Variants in PDZD2 observed in about 807,000 individuals in gnomAD.
The protein encoded by PDZD2 is PDZ domain-containing protein 2.
PDZD2 carries 90 observed loss-of-function variants against 220.7 expected under a neutral mutation model. The ratio of observed to expected loss-of-function variants is 0.41; its 90% CI spans 0.34 to 0.49. The LOEUF (loss-of-function observed/expected upper bound fraction) is 0.49. Ranked by LOEUF, PDZD2 falls within the 20% of genes least tolerant of loss-of-function variation. PDZD2 has a pLI of 0.28. For missense variants in PDZD2, 3,174 were observed against 3,608.5 expected, an observed-to-expected ratio of 0.88 and a Z score of 3.08; for synonymous variants, 1,375 against 1,450.5, an observed-to-expected ratio of 0.95 and a Z score of 1.18.
intron 2 of PDZD2, among the ~76,000 whole-genome samples, chr5:31,876,062 A>G (rs1047184658): frequency 1.2e-4 from 18 of 152,286 alleles, no homozygotes; most frequent in Admixed American, 5.9e-4. Flanking sequence ...CATCTTTAAA[A>G]TGTTGTCTTC....
chr5:31,998,509 T>G (rs1751825286), intron 4 of PDZD2, among the ~76,000 whole-genome samples: 1 of 152,102 alleles, frequency 6.6e-6, no homozygotes. Flanking sequence ...AGAAGTCAGT[T>G]GATTCATTGA....
At chr5:32,041,692 A>G (rs962816742) in intron 7 of PDZD2, among the ~76,000 whole-genome samples, 1 of 152,016 alleles carries the variant, frequency 6.6e-6, no homozygotes, top group African/African-American at 2.4e-5. Context: ...GTACCCAGGG[A>G]CACAAACACT....
At chr5:32,059,579 T>C (rs1459245310) in intron 13 of PDZD2, among the ~76,000 whole-genome samples, 1 of 152,248 alleles carries the variant, frequency 6.6e-6, no homozygotes, top group Non-Finnish European at 1.5e-5. Context: ...CTTCCCTGCT[T>C]ATTTTGTTCT....
intron 1 of PDZD2, among the ~76,000 whole-genome samples, chr5:31,689,353 A>ATATTTTTTTTT: frequency 0.031 from 1,092 of 35,106 alleles, 75 homozygotes; most frequent in Middle Eastern, 0.079. Context: ...ATATATATAT[A>ATATTTTTTTTT]TTTTTTTTTT....
intron 1 of PDZD2, among the ~76,000 whole-genome samples, chr5:31,659,047 C>T (rs1409900069): frequency 6.6e-6 from 1 of 152,174 alleles, no homozygotes; most frequent in East Asian, 1.9e-4. Flanking sequence ...CCCAGTGAAT[C>T]TTTTCCATAC....
chr5:31,803,374 A>T (rs1754520179), intron 2 of PDZD2, among the ~76,000 whole-genome samples: 1 of 144,906 alleles, frequency 6.9e-6, no homozygotes, highest in Non-Finnish European at 1.5e-5. Flanking sequence ...AAGTGTTAGG[A>T]TTACAGGTGT....
chr5:31,773,265 T>G (rs376705293), intron 1 of PDZD2, among the ~76,000 whole-genome samples: 9 of 152,354 alleles, frequency 5.9e-5, no homozygotes, highest in African/African-American at 2.2e-4. Flanking sequence ...CCTAGACTTA[T>G]TTAATCATGA....
At chr5:31,731,340 G>A (rs1749525639) in intron 1 of PDZD2, among the ~76,000 whole-genome samples, 1 of 152,072 alleles carries the variant, frequency 6.6e-6, no homozygotes, top group South Asian at 2.1e-4. Flanking sequence ...TTTAAATTGA[G>A]GTAAAATTAA....
intron 2 of PDZD2, among the ~76,000 whole-genome samples, chr5:31,884,323 TAGG>T (rs1740229999): frequency 6.6e-6 from 1 of 152,210 alleles, no homozygotes. Flanking sequence ...TTGTTTCTGT[TAGG>T]AGGCCTTAGG....
intron 2 of PDZD2, among the ~76,000 whole-genome samples, chr5:31,807,913 G>A (rs529206839): frequency 6.6e-6 from 1 of 152,312 alleles, no homozygotes; most frequent in South Asian, 2.1e-4. Context: ...CACAGTACCC[G>A]CTGCCTTGAA....
chr5:31,693,548 C>CTT (rs113229410), intron 1 of PDZD2, among the ~76,000 whole-genome samples: 1 of 150,342 alleles, frequency 6.7e-6, no homozygotes, highest in Non-Finnish European at 1.5e-5. Context: ...CCGAAAAGCA[C>CTT]TTTTTTTTTT....
chr5:31,707,799 G>T (rs1023863438), intron 1 of PDZD2, among the ~76,000 whole-genome samples: 1 of 152,056 alleles, frequency 6.6e-6, no homozygotes, highest in African/African-American at 2.4e-5. Flanking sequence ...GGTAATTTTT[G>T]TATTATTTTT....
In PDZD2 at chr5:31,840,425, TATATATATATATATATATATA is replaced by T. The variant is rs201855137; in HGVS notation, c.476+40702_476+40722del. On this transcript the variant is annotated intron_variant, in intron 2 of 24. Coordinates refer to ENST00000438447, the MANE Select transcript of PDZD2 (RefSeq NM_178140.4). The stretch of plus-strand genomic sequence containing the variant: ...ATATATATATATATATATATATATA[TATATATATATATATATATATA>T]TATTTGTTTATAGTCCAGAGGTCTT... 265 of 122,406 alleles carry T rather than the reference TATATATATATATATATATATA, an allele frequency of 2.2e-3. 21 individuals carry two copies. Among genetic ancestry groups the T allele is most frequent in the East Asian group, 6.2e-3 (29 of 4,700 alleles). 7.6% of individuals were successfully genotyped at this position (122,406 alleles called of 1,614,324 possible). A position where few individuals can be genotyped will look rare whatever the true frequency, so the allele number is the denominator to read the frequency against.
chr5:31,949,202 GA>G (rs1187236078), intron 2 of PDZD2, among the ~76,000 whole-genome samples: 1 of 151,466 alleles, frequency 6.6e-6, no homozygotes, highest in Non-Finnish European at 1.5e-5. Flanking sequence ...GCAGTAGAAG[GA>G]AGATAGAGAA....
At chr5:31,933,975 G>A (rs184940942) in intron 2 of PDZD2, among the ~76,000 whole-genome samples, 1 of 152,288 alleles carries the variant, frequency 6.6e-6, no homozygotes, top group East Asian at 1.9e-4. Context: ...CTCGTTTTGT[G>A]AGTAAATGTA....
chr5:31,734,780 C>T (rs1022501986), intron 1 of PDZD2, among the ~76,000 whole-genome samples: 1 of 152,138 alleles, frequency 6.6e-6, no homozygotes, highest in Non-Finnish European at 1.5e-5. Context: ...TGAAAACCAG[C>T]CCCCATCCTA....
At chr5:31,721,407 T>G (rs1748781641) in intron 1 of PDZD2, among the ~76,000 whole-genome samples, 1 of 152,080 alleles carries the variant, frequency 6.6e-6, no homozygotes. Context: ...CACTCCCAAC[T>G]CTGTTTTCTT....
intron 3 of PDZD2, among the ~76,000 whole-genome samples, chr5:31,985,082 C>T (rs1471684959): frequency 6.8e-6 from 1 of 147,844 alleles, no homozygotes; most frequent in East Asian, 2.0e-4. Flanking sequence ...TGATTTGCTA[C>T]TAATTTTATA....
At chr5:31,733,482 C>T (rs899746401) in intron 1 of PDZD2, among the ~76,000 whole-genome samples, 1 of 152,128 alleles carries the variant, frequency 6.6e-6, no homozygotes, top group South Asian at 2.1e-4. Flanking sequence ...ACTCTGGTCC[C>T]AGGAGCAGGC....
Sources: gnomAD v4.1 joint callset for allele counts (sites outside exome capture counted in the v4.1 genomes callset) on GRCh38, gnomAD v4.1.1 for gene constraint, MANE v1.5 for transcripts, NCBI Gene and HGNC (gene_info 2026-07-23, HGNC 2026-07-21) for gene names.